LARGE1: variants seen among roughly 807,000 people sequenced by gnomAD.
The protein encoded by LARGE1 is xylosyl- and glucuronyltransferase LARGE1.
A neutral mutation model predicts 87.6 loss-of-function variants in LARGE1; 43 were observed. The observed-to-expected ratio is 0.49, with a 90% confidence interval of 0.38 to 0.63. The LOEUF (loss-of-function observed/expected upper bound fraction) is 0.63, where lower values mean the gene tolerates loss of function less well. LARGE1 is among the 30% of genes least tolerant of loss of function. LARGE1 has a pLI of 0.00. For missense variants in LARGE1, 802 were observed against 1,000.2 expected (o/e 0.80, Z 2.67); for synonymous variants, 434 against 394.6 (o/e 1.10, Z -1.18).
intron 6 of LARGE1, among the ~76,000 whole-genome samples, chr22:33,538,035 C>T (rs1441885792): frequency 3.3e-5 from 5 of 152,154 alleles, no homozygotes; most frequent in South Asian, 4.1e-4. Context: ...GGCCTGCTTC[C>T]GGTGAACTCT....
rs183233476 is a variant in LARGE1 at position 33,522,703 on chromosome 22, C to T, written c.787+42145G>A. ...AAAATTAGCTGGGCGTGGTGGCATG[C>T]ACCTGCAATCCTAGCTACTTGGGAG... is the stretch of plus-strand genomic sequence containing the variant. On this transcript the variant is annotated intron_variant, in intron 6 of 14. Coordinates refer to ENST00000397394, the MANE Select transcript of LARGE1 (RefSeq NM_133642.5). Among the ~76,000 whole-genome samples, 766 of 152,080 alleles carry T rather than the reference C, an allele frequency of 5.0e-3. 4 individuals carry two copies. Among genetic ancestry groups the T allele is most frequent in the African/African-American group, 0.017 (716 of 41,496 alleles).
rs576362126 is a variant in LARGE1, at chr22:33,363,654, T to C, written c.1131+18265A>G. 1.4e-3 allele frequency among the ~76,000 whole-genome samples: 204 copies of C among 149,922 alleles called. 19 individuals are homozygous for C. The highest frequency in any genetic ancestry group is 2.6e-3 in the Non-Finnish European group (173 of 67,230). ...GTTTTTTCCTATACATACATACTTATGATTAGTTTAACTCATAATTAGGCA... is the reference window on the plus strand; with the variant it reads ...GTTTTTTCCTATACATACATACTTACGATTAGTTTAACTCATAATTAGGCA... On this transcript the variant is annotated intron_variant, in intron 9 of 14. Coordinates refer to ENST00000397394, the MANE Select transcript of LARGE1 (RefSeq NM_133642.5).
At chr22:33,745,642 C>G (rs1345938035) in intron 2 of LARGE1, among the ~76,000 whole-genome samples, 2 of 152,146 alleles carry the variant, frequency 1.3e-5, no homozygotes, top group Admixed American at 1.3e-4. Flanking sequence ...GGCGAGGGCC[C>G]GGTTCTCGCT....
chr22:33,517,191 A>G (rs1271196417), intron 6 of LARGE1, among the ~76,000 whole-genome samples: 1 of 152,138 alleles, frequency 6.6e-6, no homozygotes, highest in Admixed American at 6.6e-5. Flanking sequence ...GCCACTAGAA[A>G]GCTAACTCTG....
rs1936121490 is a variant in LARGE1 at position 33,316,085 on chromosome 22, C to T, written c.1451G>A (p.Arg484Lys). ...VTLVAQLSMDRLQMLEAICKH... is the reference protein window; with the variant it reads ...VTLVAQLSMDKLQMLEAICKH... Reference sequence around the variant, plus strand: ...GGGTGGGTGAGGCCGTCTGCCATACCTGTCCATGGACAGCTGAGCGACCAG... The same window carrying T: ...GGGTGGGTGAGGCCGTCTGCCATACTTGTCCATGGACAGCTGAGCGACCAG... Residue 484 changes from arginine to lysine, a missense_variant and splice_region_variant, in exon 11 of 15, where the codon AGG (arginine) becomes AAG (lysine). Arg to Lys is a conservative substitution (Grantham distance 26). Transcript: ENST00000397394. The T allele has an allele frequency of 6.2e-7, 1 of 1,613,714 alleles. No individual in the cohort carries two copies. The highest frequency in any genetic ancestry group is 1.3e-5 in the African/African-American group (1 of 75,050).
At chr22:33,730,538 G>A (rs932462859) in intron 2 of LARGE1, among the ~76,000 whole-genome samples, 1 of 152,140 alleles carries the variant, frequency 6.6e-6, no homozygotes, top group Non-Finnish European at 1.5e-5. Flanking sequence ...TGTGCAGGGG[G>A]TTAGTGTCCC....
intron 11 of LARGE1, among the ~76,000 whole-genome samples, chr22:33,217,887 G>A (rs1487828215): frequency 3.3e-5 from 5 of 151,990 alleles, no homozygotes; most frequent in Non-Finnish European, 4.4e-5. Context: ...TCAAAGTGCT[G>A]GTATTACAGG....
At chr22:33,525,971 A>C (rs980475025) in intron 6 of LARGE1, among the ~76,000 whole-genome samples, 9 of 152,226 alleles carry the variant, frequency 5.9e-5, no homozygotes, top group African/African-American at 1.9e-4. Flanking sequence ...GTCCACACAA[A>C]CTATGTACAG....
At chr22:33,170,261 C>T (rs1922492652) in intron 11 of LARGE1, among the ~76,000 whole-genome samples, 1 of 151,232 alleles carries the variant, frequency 6.6e-6, no homozygotes, top group Non-Finnish European at 1.5e-5. Flanking sequence ...CCCAGCTACT[C>T]AGGAGGCTGA....
At chr22:33,618,057 C>G (rs1208312655) in intron 4 of LARGE1, among the ~76,000 whole-genome samples, 1 of 152,142 alleles carries the variant, frequency 6.6e-6, no homozygotes, top group African/African-American at 2.4e-5. Context: ...AATGCAATGG[C>G]AAACTTAGGA....
intron 5 of LARGE1, among the ~76,000 whole-genome samples, chr22:33,597,505 C>T (rs1482962665): frequency 6.6e-6 from 1 of 152,130 alleles, no homozygotes; most frequent in East Asian, 1.9e-4. Context: ...TTACAGTTCT[C>T]TAAAGACAAC....
chr22:33,272,017 C>T (rs1053300026), downstream of LARGE1, among the ~76,000 whole-genome samples: 9 of 152,212 alleles, frequency 5.9e-5, no homozygotes, highest in East Asian at 1.9e-4. Flanking sequence ...AGAAGTGACC[C>T]GATTTAGATG....
intron 2 of LARGE1, among the ~76,000 whole-genome samples, chr22:33,736,503 A>G (rs2083660705): frequency 6.6e-6 from 1 of 152,200 alleles, no homozygotes; most frequent in Non-Finnish European, 1.5e-5. Flanking sequence ...TTTCATTGTT[A>G]AGTTATAAGA....
At chr22:33,229,301 T>G (rs950214962) in intron 11 of LARGE1, among the ~76,000 whole-genome samples, 5 of 152,042 alleles carry the variant, frequency 3.3e-5, no homozygotes, top group African/African-American at 1.2e-4. Context: ...TAAATTATAA[T>G]GAAGGAAATT....
chr22:33,347,361 C>T (rs577706119), intron 9 of LARGE1, among the ~76,000 whole-genome samples: 28 of 152,274 alleles, frequency 1.8e-4, no homozygotes, highest in Middle Eastern at 3.4e-3. Context: ...GTGCTTGGCA[C>T]GCAGTTAGTA....
chr22:33,639,954 A>C (rs2080378755), intron 3 of LARGE1, among the ~76,000 whole-genome samples: 1 of 152,218 alleles, frequency 6.6e-6, no homozygotes, highest in Non-Finnish European at 1.5e-5. Context: ...CGTTGTTCCT[A>C]TCACCAGATA....
intron 11 of LARGE1, among the ~76,000 whole-genome samples, chr22:33,171,431 G>A (rs1286865900): frequency 1.3e-5 from 2 of 152,226 alleles, no homozygotes; most frequent in Non-Finnish European, 2.9e-5. Flanking sequence ...TGTCTCCAGG[G>A]CATGTCAGAG....
chr22:33,402,752 G>C (rs976047398), intron 7 of LARGE1, among the ~76,000 whole-genome samples: 1 of 152,106 alleles, frequency 6.6e-6, no homozygotes, highest in Non-Finnish European at 1.5e-5. Context: ...AACCAAACTA[G>C]TTTCTTCCTA....
At position 33,852,385 on chromosome 22, in the gene LARGE1, C is replaced by A. The variant is rs903441669; in HGVS notation, c.-83+67610G>T. On this transcript the variant is annotated intron_variant, in intron 1 of 14. Coordinates refer to ENST00000397394, the MANE Select transcript of LARGE1 (RefSeq NM_133642.5). ...ATTTCAGAATTTGTTTTATATTTAA[C>A]AAAGCCTCCTGAGCATCCCTTCATG... Among the ~76,000 whole-genome samples the A allele has an allele frequency of 4.6e-5, 7 of 152,108 alleles. No individual in the cohort carries two copies. The South Asian group carries it at 1.5e-3, about 32-fold the overall frequency.
Sources: allele counts gnomAD v4.1 joint callset (sites outside exome capture counted in the v4.1 genomes callset), GRCh38; gene constraint gnomAD v4.1.1; transcripts MANE v1.5; gene names NCBI Gene and HGNC (gene_info 2026-07-23, HGNC 2026-07-21).